Variants in IRX1 observed in about 807,000 individuals in gnomAD.
IRX1 encodes iroquois-class homeodomain protein IRX-1.
A neutral mutation model predicts 34.1 loss-of-function variants in IRX1; 22 were observed. The observed-to-expected ratio is 0.64, with a 90% CI of 0.46 to 0.92. The LOEUF is 0.92. Ranked by LOEUF, IRX1 falls within the 40% of genes least tolerant of loss-of-function variation. The pLI is 0.00. For missense variants in IRX1, 758 were observed against 680.0 expected (o/e 1.11, Z -1.28); for synonymous variants, 363 against 319.0 (o/e 1.14, Z -1.47).
At chr5:3,598,395 CA>C (rs770751543) in intron 1 of IRX1, among the ~76,000 whole-genome samples, 67 of 152,160 alleles carry the variant, frequency 4.4e-4, no homozygotes, top group Non-Finnish European at 8.8e-4. Context: ...AGATCAAAGT[CA>C]AACTTAAGAG....
In IRX1 at chr5:3,599,142, G is replaced by A; in HGVS notation, c.277-83G>A. On this transcript the variant is annotated intron_variant, in intron 1 of 3. Transcript: ENST00000302006. This position sits in a 1 kb window ranked among gnomAD's most constrained non-coding sequence, Gnocchi z 6.6. ...GCTGCTTCCCACTCTCCCGTCTTGGGGACTCATGTCTCTCTCTCTCTCTCC... is the reference window on the plus strand; with the variant it reads ...GCTGCTTCCCACTCTCCCGTCTTGGAGACTCATGTCTCTCTCTCTCTCTCC... 2 of 1,393,370 alleles carry A rather than the reference G, an allele frequency of 1.4e-6. No individual in the cohort carries two copies. The highest frequency in any genetic ancestry group is 2.7e-5 in the South Asian group (2 of 73,084). 86.3% of individuals were successfully genotyped at this position (1,393,370 alleles called of 1,614,324 possible).
Position 3,599,777 on chromosome 5 carries a change from C to A in IRX1, c.829C>A (p.Pro277Thr). 5.0e-6 allele frequency: 8 copies of A among 1,606,660 alleles called. No homozygotes were observed. Among genetic ancestry groups the A allele is most frequent in the Non-Finnish European group, 6.8e-6 (8 of 1,177,568 alleles). The change falls in exon 2 of 4, where the codon CCC becomes ACC. Residue 277 changes from proline to threonine, a missense_variant. This residue lies in a region of IRX1 where 529 missense variants were observed against 418.8 expected (regional missense o/e 1.26). Coordinates refer to ENST00000302006, the MANE Select transcript of IRX1 (RefSeq NM_024337.4). The surrounding 1 kb of genome is among the most constrained non-coding windows in gnomAD (Gnocchi z 6.6). The part of the protein sequence containing the change: ...SPLAAADVLK[P>T]QDSPLGLAKE... ...GCTGGCAGCAGCCGACGTTCTCAAG[C>A]CCCAGGACTCGCCCTTGGGCCTGGC...
chr5:3,598,727 T>C (rs1201072832), intron 1 of IRX1, among the ~76,000 whole-genome samples: 4 of 152,236 alleles, frequency 2.6e-5, no homozygotes, highest in African/African-American at 9.6e-5. Context: ...GAGCCCCCTC[T>C]GGGTGGCAGA....
At position 3,601,064 on chromosome 5, in the gene IRX1, CG is replaced by C. The variant is rs539540642; in HGVS notation, c.*31del. 0.027 allele frequency: 26,843 copies of C among 984,148 alleles called. 325 individuals are homozygous for C. The highest frequency in any genetic ancestry group is 0.032 in the Non-Finnish European group (23,233 of 716,372). 61.0% of individuals were successfully genotyped at this position (984,148 alleles called of 1,614,324 possible). A position where few individuals can be genotyped will look rare whatever the true frequency, so the allele number is the denominator to read the frequency against. On this transcript the variant is annotated 3_prime_UTR_variant, in exon 4 of 4. Transcript: ENST00000302006. ...GATTAAGGGTCTTCTTTTACTTTTGCGGGGGGGAGGGGGGAGGAGTTGGGGA... is the reference window on the plus strand; with the variant it reads ...GATTAAGGGTCTTCTTTTACTTTTGCGGGGGGAGGGGGGAGGAGTTGGGGA...
rs1203450931 is a variant in IRX1, at chr5:3,600,603, T to C, written c.1313-6T>C. The C allele has an allele frequency of 1.2e-6, 2 of 1,613,054 alleles. No individual in the cohort carries two copies. The highest frequency in any genetic ancestry group is 4.5e-5 in the East Asian group (2 of 44,848). On this transcript the variant is annotated splice_polypyrimidine_tract_variant and splice_region_variant and intron_variant, in intron 2 of 3. Coordinates refer to ENST00000302006, the MANE Select transcript of IRX1 (RefSeq NM_024337.4). The stretch of plus-strand genomic sequence containing the variant: ...TCCTAACTCTGCCTCTTCCGATCTC[T>C]CGCAGAGAGAGACCTCGTCCCCAGG...
At position 3,599,942 on chromosome 5, in the gene IRX1, G is replaced by A; in HGVS notation, c.994G>A (p.Ala332Thr). 6.7e-7 allele frequency: 1 copy of A among 1,502,568 alleles called. No individual in the cohort carries two copies. Among genetic ancestry groups the A allele is most frequent in the Non-Finnish European group, 8.9e-7 (1 of 1,122,906 alleles). 93.1% of individuals were successfully genotyped at this position (1,502,568 alleles called of 1,614,324 possible). Residue 332 changes from alanine (A) to threonine (T), a missense_variant, in exon 2 of 4, where the codon GCT (alanine) becomes ACT (threonine). This residue lies in a region of IRX1 where 529 missense variants were observed against 418.8 expected (regional missense o/e 1.26). Coordinates refer to ENST00000302006, the MANE Select transcript of IRX1 (RefSeq NM_024337.4). This position sits in a 1 kb window ranked among gnomAD's most constrained non-coding sequence, Gnocchi z 6.6. ...CACGAGCCCCGACGGTGCGCCCAAGGCTTCGCCACCACCACCCGCGGGCCA... is the reference window on the plus strand; with the variant it reads ...CACGAGCCCCGACGGTGCGCCCAAGACTTCGCCACCACCACCCGCGGGCCA... ...TATSPDGAPK[A>T]SPPPPAGHPG...
Position 3,600,142 on chromosome 5 carries a change from C to T in IRX1, c.1194C>T (p.His398=), listed in dbSNP as rs777445644. The change falls in exon 2 of 4, where the codon CAC becomes CAT. Residue 398 remains histidine, a synonymous_variant. Transcript: ENST00000302006. ...MRSFLGVGAP[H]AAPHGPHLPA... Reference sequence around the variant, plus strand: ...CCTTCCTGGGCGTTGGCGCTCCCCACGCCGCGCCCCATGGCCCTCACCTTC... The same window carrying T: ...CCTTCCTGGGCGTTGGCGCTCCCCATGCCGCGCCCCATGGCCCTCACCTTC... 6.2e-6 allele frequency: 10 copies of T among 1,613,192 alleles called. No homozygotes were observed. Among genetic ancestry groups the T allele is most frequent in the East Asian group, 2.2e-5 (1 of 44,862 alleles).
rs1233219340 is a variant in IRX1, at chr5:3,595,846, C to T, written c.-260C>T. ...AACTTCAAATTGTGTCTGAAAGCCC[C>T]GCCGCCGAGCGGAGGGCGGCCGCCG... On this transcript the variant is annotated 5_prime_UTR_variant, in exon 1 of 4. Transcript: ENST00000302006. 1.6e-4 allele frequency among the ~76,000 whole-genome samples: 24 copies of T among 151,266 alleles called. No individual in the cohort carries two copies. The East Asian group carries it at 3.1e-3, about 20-fold the overall frequency.
At position 3,599,197 on chromosome 5, in the gene IRX1, C is replaced by T. The variant is rs201518033; in HGVS notation, c.277-28C>T. The T allele has an allele frequency of 2.4e-5, 38 of 1,594,248 alleles. No homozygotes were observed. In the East Asian group the frequency reaches 3.6e-4, roughly 15 times the overall value. Reference sequence around the variant, plus strand: ...CTCTCTCCACTTCCCTCCTCTCTCTCCTCGATGGATCTGCCCTGTGGCTTC... The same window carrying T: ...CTCTCTCCACTTCCCTCCTCTCTCTTCTCGATGGATCTGCCCTGTGGCTTC... On this transcript the variant is annotated intron_variant, in intron 1 of 3. Coordinates refer to ENST00000302006, the MANE Select transcript of IRX1 (RefSeq NM_024337.4). The surrounding 1 kb of genome is among the most constrained non-coding windows in gnomAD (Gnocchi z 6.6).
Position 3,599,602 on chromosome 5 carries a change from G to C in IRX1, c.654G>C (p.Glu218Asp). 1.9e-6 allele frequency: 3 copies of C among 1,614,066 alleles called. No homozygotes were observed. The highest frequency in any genetic ancestry group is 2.5e-6 in the Non-Finnish European group (3 of 1,180,030). The part of the protein sequence containing the change: ...SDTEGDPEKA[E>D]DDEEIDLESI... Reference sequence around the variant, plus strand: ...CCGAGGGCGACCCGGAGAAGGCCGAGGACGACGAGGAGATCGACCTGGAAA... The same window carrying C: ...CCGAGGGCGACCCGGAGAAGGCCGACGACGACGAGGAGATCGACCTGGAAA... The change falls in exon 2 of 4, where the codon GAG becomes GAC. Residue 218 changes from glutamate (E) to aspartate (D), a missense_variant. Around this residue, in one of 3 missense-constraint regions of IRX1, gnomAD observed 529 missense variants for 418.8 expected, o/e 1.26. Transcript: ENST00000302006. This position sits in a 1 kb window ranked among gnomAD's most constrained non-coding sequence, Gnocchi z 6.6.
chr5:3,599,992 CG>C lies in IRX1; in HGVS notation c.1048del (p.Ala350ArgfsTer103). ...ACCCCGGCGCGCACGGGCCCTCCGC[CG>C]GGGCGCCGCTGCAACACCCCGCCTT... ...GHPGAHGPSA[G>X]APLQHPAFLP... is the part of the protein sequence containing the mutation. On this transcript the variant is annotated frameshift_variant, in exon 2 of 4. Transcript: ENST00000302006. LOFTEE classifies it high-confidence loss of function. This position sits in a 1 kb window ranked among gnomAD's most constrained non-coding sequence, Gnocchi z 6.6. 1.3e-6 allele frequency: 2 copies of C among 1,517,908 alleles called. No homozygotes were observed. The highest frequency in any genetic ancestry group is 1.8e-6 in the Non-Finnish European group (2 of 1,127,592). 94.0% of individuals were successfully genotyped at this position (1,517,908 alleles called of 1,614,324 possible). A position where few individuals can be genotyped will look rare whatever the true frequency, so the allele number is the denominator to read the frequency against.
At chr5:3,596,517 C>G (rs1249366667) in intron 1 of IRX1, 136 bp downstream of exon 1, 1 of 942,786 alleles carries the variant, frequency 1.1e-6, no homozygotes, top group Non-Finnish European at 1.4e-6. Flanking sequence ...GGGCAGGTTC[C>G]CGGTGGCCGA....
intron 1 of IRX1, among the ~76,000 whole-genome samples, chr5:3,596,753 G>C (rs1239095353): frequency 6.6e-6 from 1 of 152,120 alleles, no homozygotes; most frequent in Admixed American, 6.5e-5. Context: ...CCTGCAGGTC[G>C]GCCCGGCGTA....
In IRX1 at chr5:3,599,921, A is replaced by T; in HGVS notation, c.973A>T (p.Ser325Cys). ...CTGGTCGCTGGCGGAGACAGCCACG[A>T]GCCCCGACGGTGCGCCCAAGGCTTC... ...KIWSLAETAT[S>C]PDGAPKASPP... Residue 325 changes from serine (S) to cysteine (C), a missense_variant, in exon 2 of 4, where the codon AGC becomes TGC. By Grantham distance (112) the Ser-to-Cys change is moderately radical (BLOSUM62 -1). Transcript: ENST00000302006. The surrounding 1 kb of genome is among the most constrained non-coding windows in gnomAD (Gnocchi z 6.6). 1 of 1,485,282 alleles carries T rather than the reference A, an allele frequency of 6.7e-7. No individual in the cohort carries two copies. The highest frequency in any genetic ancestry group is 9.0e-7 in the Non-Finnish European group (1 of 1,116,382). The allele number at this position is 1,485,282 out of a possible 1,614,324, so 92.0% of individuals were successfully genotyped here.
At position 3,601,071 on chromosome 5, in the gene IRX1, G is replaced by GA; in HGVS notation, c.*32dup. The GA allele has an allele frequency of 1.3e-6, 2 of 1,534,928 alleles. No homozygotes were observed. The highest frequency in any genetic ancestry group is 2.3e-5 in the East Asian group (1 of 44,218). ...GGTCTTCTTTTACTTTTGCGGGGGGGAGGGGGGAGGAGTTGGGGAGGGAGG... is the reference window on the plus strand; with the variant it reads ...GGTCTTCTTTTACTTTTGCGGGGGGGAAGGGGGGAGGAGTTGGGGAGGGAGG... On this transcript the variant is annotated 3_prime_UTR_variant, in exon 4 of 4. Transcript: ENST00000302006.
Position 3,600,964 on chromosome 5 carries a change from C to G in IRX1, c.1386-19C>G, listed in dbSNP as rs1201279761. ...TCACAGTGCCCCTGTCTTCTTGTCT[C>G]GCTGTGTTTCCCATGCAGCTCTCTG... On this transcript the variant is annotated intron_variant, in intron 3 of 3. Coordinates refer to ENST00000302006, the MANE Select transcript of IRX1 (RefSeq NM_024337.4). The G allele has an allele frequency of 1.9e-6, 3 of 1,612,998 alleles. No homozygotes were observed. Among genetic ancestry groups the G allele is most frequent in the Non-Finnish European group, 2.5e-6 (3 of 1,179,314 alleles).
At position 3,599,209 on chromosome 5, in the gene IRX1, T is replaced by G. The variant is rs1456402925; in HGVS notation, c.277-16T>G. ...CCCTCCTCTCTCTCCTCGATGGATC[T>G]GCCCTGTGGCTTCAGGGCTCGCAGT... On this transcript the variant is annotated splice_polypyrimidine_tract_variant and intron_variant, in intron 1 of 3. Coordinates refer to ENST00000302006, the MANE Select transcript of IRX1 (RefSeq NM_024337.4). This position sits in a 1 kb window ranked among gnomAD's most constrained non-coding sequence, Gnocchi z 6.6. 1 of 1,605,880 alleles carries G rather than the reference T, an allele frequency of 6.2e-7. No homozygotes were observed. The highest frequency in any genetic ancestry group is 8.5e-7 in the Non-Finnish European group (1 of 1,174,352).
At chr5:3,597,400 A>C (rs1036126779) in intron 1 of IRX1, among the ~76,000 whole-genome samples, 6 of 152,180 alleles carry the variant, frequency 3.9e-5, no homozygotes, top group Non-Finnish European at 1.5e-5. Context: ...AGCAATTTCC[A>C]AGCACCCGCG....
intron 1 of IRX1, among the ~76,000 whole-genome samples, chr5:3,597,145 T>C (rs1010922955): frequency 2.6e-5 from 4 of 152,210 alleles, no homozygotes; most frequent in Non-Finnish European, 5.9e-5. Flanking sequence ...AAGAAAACAG[T>C]GTCCCTTGGC....
Sources: gnomAD v4.1 joint callset for allele counts (sites outside exome capture counted in the v4.1 genomes callset) on GRCh38, gnomAD v4.1.1 for gene constraint, gnomAD v4.1.1 regional missense constraint, Gnocchi (gnomAD v3.1) non-coding constraint, MANE v1.5 for transcripts, NCBI Gene and HGNC (gene_info 2026-07-23, HGNC 2026-07-21) for gene names.